The following RSPRY1 variants were observed in gnomAD, a reference collection of about 807,000 sequenced individuals.
RSPRY1 encodes the protein RING finger and SPRY domain-containing protein 1.
A neutral mutation model predicts 73.1 loss-of-function variants in RSPRY1; 23 were observed. That is an observed-to-expected ratio of 0.31 (90% CI 0.23 to 0.45). RSPRY1 has a LOEUF of 0.45. RSPRY1 is among the 20% of genes least tolerant of loss of function. The pLI, the probability that RSPRY1 is intolerant of heterozygous loss-of-function variation, is 1.00. For synonymous variants in RSPRY1, 226 were observed against 251.4 expected (o/e 0.90, Z 0.95); for missense variants, 448 against 698.7 (o/e 0.64, Z 4.05).
At chr16:57,200,964 G>A (rs1235237797) in intron 1 of RSPRY1, among the ~76,000 whole-genome samples, 1 of 74,092 alleles carries the variant, frequency 1.3e-5, no homozygotes, top group African/African-American at 4.9e-5. Flanking sequence ...GGGGGGGGCT[G>A]ACCCCCCCAC....
chr16:57,193,548 A>G (rs1430614060), intron 1 of RSPRY1, among the ~76,000 whole-genome samples: 1 of 148,984 alleles, frequency 6.7e-6, no homozygotes, highest in Admixed American at 6.7e-5. Context: ...GCTTGAGGGT[A>G]GTGGGATGAT....
chr16:57,210,708 G>A (rs2074825091), intron 4 of RSPRY1, among the ~76,000 whole-genome samples: 1 of 147,270 alleles, frequency 6.8e-6, no homozygotes, highest in South Asian at 2.2e-4. Flanking sequence ...GCGAAACTCT[G>A]TCTCAAAAAA....
At position 57,230,406 on chromosome 16, in the gene RSPRY1, G is replaced by T. The variant is rs757935764; in HGVS notation, c.1274-305G>T. ...GAGGCAAGTGACCACATGATTTTTT[G>T]ATCTTACCATATTTCATTGAGCCCA... On this transcript the variant is annotated intron_variant, in intron 11 of 14. Transcript: ENST00000394420. 1.4e-4 allele frequency among the ~76,000 whole-genome samples: 22 copies of T among 152,080 alleles called. 1 individual carries two copies. The highest frequency in any genetic ancestry group is 8.8e-5 in the Non-Finnish European group (6 of 67,988).
chr16:57,227,324 G>C lies in RSPRY1; in HGVS notation c.1162-18G>C. The C allele has an allele frequency of 6.4e-7, 1 of 1,570,748 alleles. No homozygotes were observed. The highest frequency in any genetic ancestry group is 1.1e-5 in the South Asian group (1 of 89,950). On this transcript the variant is annotated intron_variant, in intron 10 of 14. Coordinates refer to ENST00000394420, the MANE Select transcript of RSPRY1 (RefSeq NM_133368.3). The stretch of plus-strand genomic sequence containing the variant: ...AGCAGGCAGACTTGCTAATCTTCTG[G>C]GCCTTGTCTCTCTCCAGGAAGGCTA...
chr16:57,192,366 A>G (rs1400867203), intron 1 of RSPRY1, among the ~76,000 whole-genome samples: 1 of 152,124 alleles, frequency 6.6e-6, no homozygotes, highest in African/African-American at 2.4e-5. Flanking sequence ...GGAATATTAC[A>G]TTTGTTTTTC....
At chr16:57,187,239 GTC>G (rs1158314879) in intron 1 of RSPRY1, among the ~76,000 whole-genome samples, 15 of 152,252 alleles carry the variant, frequency 9.9e-5, no homozygotes, top group African/African-American at 3.6e-4. Flanking sequence ...GGTGGGGAGA[GTC>G]TATCCCACCA....
rs1436493222 is a variant in RSPRY1 at position 57,240,377 on chromosome 16, T to TAA, written c.*1404_*1405dup. ...CACACACAAAAAATATATATATATATAAATATATATGTAGGATACATGTTC... is the reference window on the plus strand; with the variant it reads ...CACACACAAAAAATATATATATATATAAAAATATATATGTAGGATACATGTTC... On this transcript the variant is annotated 3_prime_UTR_variant, in exon 15 of 15. Coordinates refer to ENST00000394420, the MANE Select transcript of RSPRY1 (RefSeq NM_133368.3). 1.3e-5 allele frequency: 2 copies of TAA among 151,226 alleles called. No individual in the cohort carries two copies. The highest frequency in any genetic ancestry group is 2.9e-5 in the Non-Finnish European group (2 of 67,836). The allele number at this position is 151,226 out of a possible 1,614,324, so 9.4% of individuals were successfully genotyped here.
At chr16:57,186,308 G>C (rs1306797442), upstream of RSPRY1, 4 of 306,254 alleles carry the variant, frequency 1.3e-5, no homozygotes, top group Non-Finnish European at 1.9e-5. Flanking sequence ...GAGGGCTGGG[G>C]CGGTACGAAG....
Position 57,208,096 on chromosome 16 carries a change from A to G in RSPRY1, c.389A>G (p.Glu130Gly), listed in dbSNP as rs1810753080. The G allele has an allele frequency of 3.1e-6, 5 of 1,591,064 alleles. No individual in the cohort carries two copies. Among genetic ancestry groups the G allele is most frequent in the Non-Finnish European group, 4.3e-6 (5 of 1,166,258 alleles). The change falls in exon 3 of 15, where the codon GAA becomes GGA. Residue 130 changes from glutamate (E) to glycine (G), a missense_variant. Physicochemically the swap from Glu to Gly is moderately conservative, Grantham distance 98. Coordinates refer to ENST00000394420, the MANE Select transcript of RSPRY1 (RefSeq NM_133368.3). ...EPPYSMITLH[E>G]MAETDEGWLD... ...CCCTATTCAATGATAACATTACACG[A>G]AATGGCAGAAACAGGTATTTTTAGT...
At chr16:57,207,582 G>C (rs2074749658) in intron 2 of RSPRY1, 1 of 455,938 alleles carries the variant, frequency 2.2e-6, no homozygotes, top group Admixed American at 2.4e-5. Flanking sequence ...AGCATGTAGT[G>C]GTATTTCCAG....
intron 10 of RSPRY1, among the ~76,000 whole-genome samples, chr16:57,221,801 C>CA (rs1225900626): frequency 6.6e-6 from 1 of 152,120 alleles, no homozygotes; most frequent in Admixed American, 6.5e-5. Flanking sequence ...CTTTTCCTTT[C>CA]AAAAAATAGA....
intron 1 of RSPRY1, among the ~76,000 whole-genome samples, chr16:57,189,385 A>G (rs981700362): frequency 1.3e-5 from 2 of 151,846 alleles, no homozygotes; most frequent in Non-Finnish European, 2.9e-5. Flanking sequence ...ATAACTTTTC[A>G]TTTAGTAAGT....
intron 14 of RSPRY1, among the ~76,000 whole-genome samples, chr16:57,238,635 G>A: frequency 6.6e-6 from 1 of 152,170 alleles, no homozygotes; most frequent in Admixed American, 6.5e-5. Context: ...AGTATATGCT[G>A]TGCACATATA....
In RSPRY1 at chr16:57,221,262, G is replaced by T; in HGVS notation, c.1018-10G>T. The T allele has an allele frequency of 1.2e-6, 2 of 1,609,252 alleles. No homozygotes were observed. The highest frequency in any genetic ancestry group is 1.7e-5 in the Admixed American group (1 of 58,936). The stretch of plus-strand genomic sequence containing the variant: ...TCATAGTTGATTGACACATTTTTTG[G>T]TTTTGCCAGGCTCGCTGTGATGCCT... On this transcript the variant is annotated splice_polypyrimidine_tract_variant and intron_variant, in intron 9 of 14. Transcript: ENST00000394420.
intron 7 of RSPRY1, 102 bp downstream of exon 7, chr16:57,216,275 A>T: frequency 1.2e-6 from 1 of 810,934 alleles, no homozygotes; most frequent in Non-Finnish European, 2.1e-6. Context: ...ACCCCATCAG[A>T]TGGGCATACA....
intron 11 of RSPRY1, among the ~76,000 whole-genome samples, chr16:57,228,354 G>A (rs573731238): frequency 2.0e-5 from 3 of 149,188 alleles, no homozygotes; most frequent in African/African-American, 4.9e-5. Flanking sequence ...AATTGGTGGT[G>A]TGGGAAAAAA....
chr16:57,235,039 G>C, intron 13 of RSPRY1, 85 bp from the exon 14 acceptor site: 1 of 902,408 alleles, frequency 1.1e-6, no homozygotes, highest in Non-Finnish European at 1.8e-6. Flanking sequence ...CACAGGTGCA[G>C]AGCATTTTCA....
chr16:57,210,115 C>G (rs1166673907), intron 4 of RSPRY1, among the ~76,000 whole-genome samples: 1 of 150,748 alleles, frequency 6.6e-6, no homozygotes, highest in African/African-American at 2.4e-5. Context: ...CTTCCCCGGC[C>G]CCGCCTAGGC....
At chr16:57,195,292 A>G (rs1246874339) in intron 1 of RSPRY1, among the ~76,000 whole-genome samples, 1 of 151,894 alleles carries the variant, frequency 6.6e-6, no homozygotes, top group African/African-American at 2.4e-5. Flanking sequence ...TGGGCAGATC[A>G]CCTGAGATCA....
Sources: gnomAD v4.1 joint callset for allele counts (sites outside exome capture counted in the v4.1 genomes callset) on GRCh38, gnomAD v4.1.1 for gene constraint, MANE v1.5 for transcripts, NCBI Gene and HGNC (gene_info 2026-07-23, HGNC 2026-07-21) for gene names.